The following CORIN variants were observed in gnomAD, a reference collection of about 807,000 sequenced individuals.
CORIN encodes the protein corin, serine peptidase.
CORIN carries 117 observed loss-of-function variants against 125.3 expected under a neutral mutation model. That is an observed-to-expected ratio of 0.93 (90% confidence interval 0.80 to 1.09). The LOEUF (loss-of-function observed/expected upper bound fraction) is 1.09, where lower values mean the gene tolerates loss of function less well. Among genes scored for constraint, CORIN ranks in the 50% least tolerant of loss-of-function variants. The pLI is 0.00. For missense variants in CORIN, 1,253 were observed against 1,306.7 expected (o/e 0.96, Z 0.63); for synonymous variants, 450 against 466.4 (o/e 0.96, Z 0.45).
chr4:47,669,553 C>CTATATA (rs67123208), intron 10 of CORIN, among the ~76,000 whole-genome samples: 150 of 144,610 alleles, frequency 1.0e-3, no homozygotes, highest in African/African-American at 3.7e-3. Flanking sequence ...CCTTGCTCTT[C>CTATATA]TATATATATA....
At chr4:47,705,904 T>C (rs536982468) in intron 5 of CORIN, among the ~76,000 whole-genome samples, 1 of 152,326 alleles carries the variant, frequency 6.6e-6, no homozygotes, top group African/African-American at 2.4e-5. Flanking sequence ...GTATTTATTT[T>C]AAAACAAAAT....
intron 10 of CORIN, among the ~76,000 whole-genome samples, chr4:47,671,066 T>A (rs943257998): frequency 6.6e-6 from 1 of 152,180 alleles, no homozygotes; most frequent in Non-Finnish European, 1.5e-5. Flanking sequence ...TTCAAAGTTC[T>A]CACATACCCC....
chr4:47,765,769 G>A (rs1284994998), intron 3 of CORIN, among the ~76,000 whole-genome samples: 3 of 152,202 alleles, frequency 2.0e-5, no homozygotes, highest in Admixed American at 6.5e-5. Context: ...TGCCAGTGAA[G>A]TTGAGCACCT....
intron 2 of CORIN, among the ~76,000 whole-genome samples, chr4:47,797,451 T>C (rs1731345606): frequency 6.6e-6 from 1 of 151,860 alleles, no homozygotes; most frequent in Non-Finnish European, 1.5e-5. Flanking sequence ...CCTGTCAAAC[T>C]TGCCATCACG....
chr4:47,800,055 A>T (rs896660067), intron 2 of CORIN, among the ~76,000 whole-genome samples: 2 of 152,132 alleles, frequency 1.3e-5, no homozygotes, highest in Admixed American at 1.3e-4. Flanking sequence ...GTGAAAGAAA[A>T]TAGATTAGTG....
intron 3 of CORIN, among the ~76,000 whole-genome samples, chr4:47,778,849 G>A (rs945409887): frequency 6.6e-6 from 1 of 152,140 alleles, no homozygotes; most frequent in African/African-American, 2.4e-5. Context: ...GTGACTTTTG[G>A]AATATCACTA....
rs927531350 is a variant in CORIN, at chr4:47,607,839, C to T, written c.2541-4171G>A. Among the ~76,000 whole-genome samples, 12 of 151,806 alleles carry T rather than the reference C, an allele frequency of 7.9e-5. No individual in the cohort carries two copies. In the South Asian group the frequency reaches 2.1e-3, roughly 26 times the overall value. ...GCGTGCACCTATAGTCCCAGCTACT[C>T]AGGAGGCTGAGGCAGGAGAATCACT... On this transcript the variant is annotated intron_variant, in intron 19 of 21. Coordinates refer to ENST00000273857, the MANE Select transcript of CORIN (RefSeq NM_006587.4).
In CORIN at chr4:47,726,936, AT is replaced by A. The variant is rs376327623; in HGVS notation, c.799+17465del. Among the ~76,000 whole-genome samples, 38 of 152,110 alleles carry A rather than the reference AT, an allele frequency of 2.5e-4. No individual in the cohort carries two copies. In the East Asian group the frequency reaches 6.7e-3, roughly 27 times the overall value. On this transcript the variant is annotated intron_variant, in intron 5 of 21. Coordinates refer to ENST00000273857, the MANE Select transcript of CORIN (RefSeq NM_006587.4). ...TTAATTGAAATTAACCAATATTTCCATTTTTTATAAATTTTTCTGAATATAT... is the reference window on the plus strand; with the variant it reads ...TTAATTGAAATTAACCAATATTTCCATTTTTATAAATTTTTCTGAATATAT...
chr4:47,596,511 T>C (rs1319112965), intron 21 of CORIN, among the ~76,000 whole-genome samples: 2 of 152,192 alleles, frequency 1.3e-5, no homozygotes, highest in South Asian at 4.1e-4. Flanking sequence ...TTTTATTTCA[T>C]ATATATAGGG....
intron 10 of CORIN, among the ~76,000 whole-genome samples, chr4:47,666,770 C>T (rs911960032): frequency 3.3e-5 from 5 of 152,136 alleles, no homozygotes; most frequent in African/African-American, 1.2e-4. Context: ...TTACCAGAGA[C>T]CAAGTCTGCC....
chr4:47,709,273 TTATTTA>T (rs1726726127), intron 5 of CORIN, among the ~76,000 whole-genome samples: 1 of 18,744 alleles, frequency 5.3e-5, no homozygotes, highest in African/African-American at 1.6e-4. Flanking sequence ...TTGCAGTACT[TTATTTA>T]TTTATTTATT....
At chr4:47,622,946 T>A (rs1722380737) in intron 19 of CORIN, among the ~76,000 whole-genome samples, 1 of 152,052 alleles carries the variant, frequency 6.6e-6, no homozygotes, top group South Asian at 2.1e-4. Flanking sequence ...TCCAGTTCAA[T>A]TAAGTTCATT....
At chr4:47,745,673 G>C (rs1465035656) in intron 4 of CORIN, among the ~76,000 whole-genome samples, 1 of 152,112 alleles carries the variant, frequency 6.6e-6, no homozygotes. Context: ...TCTCTTCTAA[G>C]GACCTAATAG....
chr4:47,747,867 G>A (rs1487099646), intron 4 of CORIN, among the ~76,000 whole-genome samples: 1 of 152,160 alleles, frequency 6.6e-6, no homozygotes, highest in African/African-American at 2.4e-5. Flanking sequence ...CATTCTGTAA[G>A]TCAAAATTCA....
At chr4:47,780,661 C>T (rs192739348) in intron 3 of CORIN, among the ~76,000 whole-genome samples, 1 of 152,204 alleles carries the variant, frequency 6.6e-6, no homozygotes, top group East Asian at 1.9e-4. Context: ...AGCAATCTGT[C>T]TCCCCACCTA....
intron 12 of CORIN, 184 bp downstream of exon 12, chr4:47,661,527 A>G (rs375560050): frequency 3.7e-6 from 2 of 542,150 alleles, no homozygotes; most frequent in Non-Finnish European, 6.5e-6. Flanking sequence ...TGAATGCAAT[A>G]TCTAACAGAT....
At chr4:47,660,278 A>T (rs1271315198) in intron 12 of CORIN, among the ~76,000 whole-genome samples, 1 of 152,232 alleles carries the variant, frequency 6.6e-6, no homozygotes, top group Non-Finnish European at 1.5e-5. Flanking sequence ...TGGACTGCAC[A>T]AAGATTTCTT....
chr4:47,750,763 G>A (rs2109847928), intron 4 of CORIN, among the ~76,000 whole-genome samples: 1 of 152,308 alleles, frequency 6.6e-6, no homozygotes, highest in Non-Finnish European at 1.5e-5. Context: ...ATCTCATGCT[G>A]GTGGCTTCCA....
Position 47,789,838 on chromosome 4 carries a change from G to A in CORIN, c.209-2913C>T, listed in dbSNP as rs1034584763. ...AATAGAGACCGTCCTGGCTAACACAGTGAAACCCCGTCTCTACTAAAAATA... is the reference window on the plus strand; with the variant it reads ...AATAGAGACCGTCCTGGCTAACACAATGAAACCCCGTCTCTACTAAAAATA... On this transcript the variant is annotated intron_variant, in intron 2 of 21. Transcript: ENST00000273857. 2.0e-5 allele frequency among the ~76,000 whole-genome samples: 3 copies of A among 152,178 alleles called. No individual in the cohort carries two copies. In the East Asian group the frequency reaches 5.8e-4, roughly 29 times the overall value.
Sources: allele counts gnomAD v4.1 joint callset (sites outside exome capture counted in the v4.1 genomes callset), GRCh38; gene constraint gnomAD v4.1.1; transcripts MANE v1.5; gene names NCBI Gene and HGNC (gene_info 2026-07-23, HGNC 2026-07-21).